PIK3C2A: variants seen among roughly 807,000 people sequenced by gnomAD.
PIK3C2A encodes the protein phosphatidylinositol 4-phosphate 3-kinase C2 domain-containing subunit alpha.
Under a neutral mutation model 204.5 loss-of-function variants are expected in PIK3C2A, and 97 were observed. The ratio of observed to expected loss-of-function variants is 0.47; its 90% confidence interval spans 0.40 to 0.56. The LOEUF (loss-of-function observed/expected upper bound fraction) is 0.56. Among genes scored for constraint, PIK3C2A ranks in the 20% least tolerant of loss-of-function variants. PIK3C2A has a pLI of 0.00. For missense variants in PIK3C2A, 1,735 were observed against 1,969.2 expected, an observed-to-expected ratio of 0.88 and a Z score of 2.25; for synonymous variants, 653 against 664.4, an observed-to-expected ratio of 0.98 and a Z score of 0.26.
rs756640583 is a variant in PIK3C2A, at chr11:17,155,529, G to C, written c.1166C>G (p.Thr389Arg). ...TTTATAAAGAAAAATTCCTTACTTT[G>C]TAATGGATCGACAAAAAGCTGCCAT... Reference protein sequence around the residue: ...EEMAAFCRSITKLKTKFPYTN... With the variant: ...EEMAAFCRSIRKLKTKFPYTN... The change falls in exon 3 of 33, where the codon ACA (threonine) becomes AGA (arginine). Residue 389 changes from threonine (T) to arginine (R), a missense_variant. By Grantham distance (71) the Thr-to-Arg change is moderately conservative. Coordinates refer to ENST00000691414, the MANE Select transcript of PIK3C2A (RefSeq NM_002645.4). The C allele has an allele frequency of 7.1e-6, 11 of 1,556,586 alleles. No homozygotes were observed. The African/African-American group carries it at 9.5e-5, about 13-fold the overall frequency.
At position 17,145,838 on chromosome 11, in the gene PIK3C2A, G is replaced by C. The variant is rs548357343; in HGVS notation, c.1640+25C>G. On this transcript the variant is annotated intron_variant, in intron 7 of 32. Transcript: ENST00000691414. ...ATCCAAAAACAAAGTCTGAAAACCTGCAATTAATGCTTTAGATGATATACC... is the reference window on the plus strand; with the variant it reads ...ATCCAAAAACAAAGTCTGAAAACCTCCAATTAATGCTTTAGATGATATACC... 8.8e-6 allele frequency: 14 copies of C among 1,597,196 alleles called. No individual in the cohort carries two copies. In the African/African-American group the frequency reaches 1.1e-4, roughly 12 times the overall value.
rs548874104 is a variant in PIK3C2A at position 17,108,163 on chromosome 11, C to T, written c.3544+2269G>A. Among the ~76,000 whole-genome samples the T allele has an allele frequency of 2.8e-4, 43 of 152,326 alleles. 2 individuals carry two copies. The South Asian group carries it at 7.0e-3, about 25-fold the overall frequency. ...CTGGGATTACAGGCATGAGCCACTG[C>T]GCCCAGCCTCTGCTATGTGAATTCT... On this transcript the variant is annotated intron_variant, in intron 22 of 32. Transcript: ENST00000691414.
At chr11:17,198,799 T>TA (rs1371598377) in intron 1 of PIK3C2A, among the ~76,000 whole-genome samples, 7 of 116,918 alleles carry the variant, frequency 6.0e-5, no homozygotes, top group East Asian at 6.6e-4. Flanking sequence ...CAAGACCTCA[T>TA]AAAAAACAAA....
chr11:17,121,227 C>T (rs529166449), intron 15 of PIK3C2A, among the ~76,000 whole-genome samples: 84 of 152,196 alleles, frequency 5.5e-4, no homozygotes, highest in African/African-American at 2.0e-3. Flanking sequence ...AAGCAATTCT[C>T]CCACCTCAGC....
At chr11:17,138,841 A>T (rs909006994) in intron 8 of PIK3C2A, among the ~76,000 whole-genome samples, 3 of 152,180 alleles carry the variant, frequency 2.0e-5, no homozygotes, top group African/African-American at 4.8e-5. Flanking sequence ...TGTGAGCCAT[A>T]GTATGCCAAT....
chr11:17,103,851 C>T (rs1848720294), intron 23 of PIK3C2A, among the ~76,000 whole-genome samples: 1 of 152,180 alleles, frequency 6.6e-6, no homozygotes. Flanking sequence ...ATAAAAGATG[C>T]TTAATGTATG....
chr11:17,156,274 A>C (rs1423439243), intron 2 of PIK3C2A, among the ~76,000 whole-genome samples: 2 of 152,240 alleles, frequency 1.3e-5, no homozygotes. Context: ...TCAAATATAA[A>C]TTCCCTTTAA....
chr11:17,109,485 G>A (rs911667616), intron 22 of PIK3C2A, among the ~76,000 whole-genome samples: 1 of 152,152 alleles, frequency 6.6e-6, no homozygotes, highest in African/African-American at 2.4e-5. Context: ...ATAGAAATCT[G>A]CTATTAGTAG....
intron 1 of PIK3C2A, among the ~76,000 whole-genome samples, chr11:17,186,331 CTTAT>C (rs977901441): frequency 1.6e-4 from 24 of 151,968 alleles, no homozygotes; most frequent in Admixed American, 6.6e-4. Flanking sequence ...TATATATTTA[CTTAT>C]TTATTTTGTT....
intron 25 of PIK3C2A, among the ~76,000 whole-genome samples, chr11:17,100,254 G>GGC (rs1590902532): frequency 8.3e-6 from 1 of 120,624 alleles, no homozygotes; most frequent in Non-Finnish European, 1.8e-5. Context: ...GGGGGCGGGG[G>GGC]GGGGGGGCAG....
Position 17,117,602 on chromosome 11 carries a change from C to T in PIK3C2A, c.3105G>A (p.Leu1035=). The T allele has an allele frequency of 6.2e-7, 1 of 1,612,670 alleles. No individual in the cohort carries two copies. The highest frequency in any genetic ancestry group is 1.3e-5 in the African/African-American group (1 of 74,844). Residue 1035 remains leucine (L), a synonymous_variant, in exon 19 of 33, where the codon CTG becomes CTA. Coordinates refer to ENST00000691414, the MANE Select transcript of PIK3C2A (RefSeq NM_002645.4). ...TRYEHVLGAL[L]SVGGKRLREE... ...CTCTAAGTCGTTTTCCTCCTACTGA[C>T]AGGAGAGCACCCAAAACATGTTCGT...
chr11:17,155,264 T>C (rs1336693070), intron 3 of PIK3C2A, among the ~76,000 whole-genome samples: 2 of 152,136 alleles, frequency 1.3e-5, no homozygotes, highest in Non-Finnish European at 2.9e-5. Flanking sequence ...AGCTTACAGG[T>C]AAGTCATATT....
At chr11:17,206,759 TACAA>T (rs1243754953) in intron 1 of PIK3C2A, among the ~76,000 whole-genome samples, 1 of 152,184 alleles carries the variant, frequency 6.6e-6, no homozygotes, top group Non-Finnish European at 1.5e-5. Context: ...ACCGTTCCCC[TACAA>T]ACAGCTTTCT....
chr11:17,107,332 A>ATTT (rs1848858879), intron 22 of PIK3C2A, among the ~76,000 whole-genome samples: 1 of 152,204 alleles, frequency 6.6e-6, no homozygotes, highest in South Asian at 2.1e-4. Flanking sequence ...AAAAAAATAA[A>ATTT]ATAAGTATCA....
intron 22 of PIK3C2A, among the ~76,000 whole-genome samples, chr11:17,106,969 T>TC (rs1848840755): frequency 4.6e-5 from 7 of 152,182 alleles, no homozygotes; most frequent in Admixed American, 4.6e-4. Context: ...CTAATTGAAA[T>TC]ATAAATGCCT....
chr11:17,193,996 C>T (rs1266945609), intron 1 of PIK3C2A: 3 of 367,106 alleles, frequency 8.2e-6, no homozygotes, highest in African/African-American at 4.2e-5. Context: ...TGCCAAGAAG[C>T]AAAACAAGAA....
At chr11:17,205,367 G>A (rs1445718681) in intron 1 of PIK3C2A, among the ~76,000 whole-genome samples, 1 of 151,314 alleles carries the variant, frequency 6.6e-6, no homozygotes, top group Non-Finnish European at 1.5e-5. Context: ...CCAGCTCCTC[G>A]GGAGGCTGAG....
At position 17,169,255 on chromosome 11, in the gene PIK3C2A, TG is replaced by T. The variant is rs1363551968; in HGVS notation, c.486del (p.Tyr162Ter). ...YALPSIYPSTYSKQAAFQNGF... is the reference protein window; with the variant it reads ...YALPSIYPSTXSKQAAFQNGF... Reference sequence around the variant, plus strand: ...CCATTTTGGAATGCAGCCTGTTTACTGTAAGTAGAAGGATAAATAGAAGGTA... The same window carrying T: ...CCATTTTGGAATGCAGCCTGTTTACTTAAGTAGAAGGATAAATAGAAGGTA... On this transcript the variant is annotated frameshift_variant, in exon 2 of 33. Coordinates refer to ENST00000691414, the MANE Select transcript of PIK3C2A (RefSeq NM_002645.4). LOFTEE classifies it high-confidence loss of function. The T allele has an allele frequency of 6.2e-7, 1 of 1,614,046 alleles. No individual in the cohort carries two copies. The highest frequency in any genetic ancestry group is 1.3e-5 in the African/African-American group (1 of 74,918).
In PIK3C2A at chr11:17,155,538, C is replaced by T. The variant is rs140798253; in HGVS notation, c.1157G>A (p.Arg386Gln). ...VQNEEMAAFC[R>Q]SITKLKTKFP... ...AAAAATTCCTTACTTTGTAATGGAT[C>T]GACAAAAAGCTGCCATCTCCTCATT... Residue 386 changes from arginine to glutamine, a missense_variant, in exon 3 of 33, where the codon CGA becomes CAA. Physicochemically the swap from Arg to Gln is conservative, Grantham distance 43 (BLOSUM62 1). Coordinates refer to ENST00000691414, the MANE Select transcript of PIK3C2A (RefSeq NM_002645.4). 8.8e-6 allele frequency: 14 copies of T among 1,583,586 alleles called. No individual in the cohort carries two copies. Among genetic ancestry groups the T allele is most frequent in the South Asian group, 6.8e-5 (6 of 87,782 alleles).
Sources: allele counts gnomAD v4.1 joint callset (sites outside exome capture counted in the v4.1 genomes callset), GRCh38; gene constraint gnomAD v4.1.1; transcripts MANE v1.5; gene names NCBI Gene and HGNC (gene_info 2026-07-23, HGNC 2026-07-21).